AUH: variants seen among roughly 807,000 people sequenced by gnomAD.
The protein encoded by AUH is AU RNA binding methylglutaconyl-CoA hydratase.
In AUH, 29 loss-of-function variants were observed where a neutral mutation model predicts 42.3. That is an observed-to-expected ratio of 0.69 (90% CI 0.51 to 0.93). AUH has a LOEUF of 0.93. Ranked by LOEUF, AUH falls within the 40% of genes least tolerant of loss-of-function variation. The probability of loss-of-function intolerance (pLI) is 0.00; values close to 1 mark genes in which losing one functional copy is unlikely to be tolerated. For synonymous variants in AUH, 174 were observed against 166.4 expected (o/e 1.05, Z -0.35); for missense variants, 452 against 438.1 (o/e 1.03, Z -0.28).
intron 6 of AUH, among the ~76,000 whole-genome samples, chr9:91,284,208 A>T (rs1483280618): frequency 6.6e-6 from 1 of 152,078 alleles, no homozygotes; most frequent in Non-Finnish European, 1.5e-5. Flanking sequence ...AACAAGAAAT[A>T]GGGAAAGAAT....
At chr9:91,261,581 C>T (rs1306199340) in intron 6 of AUH, among the ~76,000 whole-genome samples, 1 of 152,192 alleles carries the variant, frequency 6.6e-6, no homozygotes, top group African/African-American at 2.4e-5. Context: ...AGGTCACCCT[C>T]GTGCAAATTT....
At chr9:91,231,575 C>T (rs909448100) in intron 6 of AUH, among the ~76,000 whole-genome samples, 3 of 152,150 alleles carry the variant, frequency 2.0e-5, no homozygotes, top group African/African-American at 7.2e-5. Context: ...ATCTAAAGTG[C>T]CACTTCTAAA....
rs118138553 is a variant in AUH at position 91,215,994 on chromosome 9, T to C, written c.942+65A>G. ...TCTTGCTCAGTGAAATTCATTTGAA[T>C]TATACAGAAGGTAAATATAATTTGT... is the stretch of plus-strand genomic sequence containing the variant. On this transcript the variant is annotated intron_variant, in intron 9 of 9. Coordinates refer to ENST00000375731, the MANE Select transcript of AUH (RefSeq NM_001698.3). The C allele has an allele frequency of 2.4e-4, 354 of 1,493,594 alleles. 1 individual carries two copies. In the East Asian group the frequency reaches 5.9e-3, roughly 25 times the overall value. 92.5% of individuals were successfully genotyped at this position (1,493,594 alleles called of 1,614,324 possible).
chr9:91,273,670 G>A (rs1190668901), intron 6 of AUH, among the ~76,000 whole-genome samples: 1 of 152,102 alleles, frequency 6.6e-6, no homozygotes, highest in Non-Finnish European at 1.5e-5. Flanking sequence ...TGTTTTTAAG[G>A]CATCAAAAAT....
intron 6 of AUH, among the ~76,000 whole-genome samples, chr9:91,292,478 C>A (rs1455696192): frequency 1.3e-5 from 2 of 151,824 alleles, no homozygotes; most frequent in African/African-American, 4.8e-5. Context: ...GGGGTTTCAC[C>A]AGGTTGGCCA....
At chr9:91,289,265 G>A (rs1486509356) in intron 6 of AUH, among the ~76,000 whole-genome samples, 1 of 152,150 alleles carries the variant, frequency 6.6e-6, no homozygotes, top group Non-Finnish European at 1.5e-5. Flanking sequence ...TTTACCCAAA[G>A]ATATTTACTT....
chr9:91,231,478 T>C (rs7849152), intron 6 of AUH, among the ~76,000 whole-genome samples: 35,484 of 152,064 alleles, frequency 0.23, 4,526 homozygotes, highest in East Asian at 0.33. Context: ...GAGATGAACC[T>C]GGTACCACAG....
chr9:91,311,841 C>T (rs1214845620), intron 4 of AUH, among the ~76,000 whole-genome samples: 2 of 152,200 alleles, frequency 1.3e-5, no homozygotes, highest in Non-Finnish European at 2.9e-5. Context: ...AATTTCATTG[C>T]TGTGTAGCCT....
chr9:91,239,420 C>A (rs1438488249), intron 6 of AUH, among the ~76,000 whole-genome samples: 1 of 152,172 alleles, frequency 6.6e-6, no homozygotes, highest in Non-Finnish European at 1.5e-5. Flanking sequence ...GGAAACACTG[C>A]AGTATAATGC....
At chr9:91,324,298 T>C (rs1829806987) in intron 4 of AUH, among the ~76,000 whole-genome samples, 1 of 151,682 alleles carries the variant, frequency 6.6e-6, no homozygotes, top group Admixed American at 6.6e-5. Context: ...AGGCAGGAGT[T>C]CAAGATCAGC....
intron 6 of AUH, among the ~76,000 whole-genome samples, chr9:91,241,995 T>C (rs925306357): frequency 1.3e-5 from 2 of 152,226 alleles, no homozygotes; most frequent in African/African-American, 4.8e-5. Context: ...CACTTACTCT[T>C]TGATAGATTC....
chr9:91,346,203 T>A (rs1248129938), intron 3 of AUH, among the ~76,000 whole-genome samples: 1 of 151,934 alleles, frequency 6.6e-6, no homozygotes, highest in Admixed American at 6.6e-5. Flanking sequence ...TCACCAGAAA[T>A]ATCAAGCCAT....
rs1282582845 is a variant in AUH at position 91,325,347 on chromosome 9, G to C, written c.476C>G (p.Ser159Cys). 18 of 1,613,678 alleles carry C rather than the reference G, an allele frequency of 1.1e-5. No individual in the cohort carries two copies. Among genetic ancestry groups the C allele is most frequent in the Non-Finnish European group, 1.5e-5 (18 of 1,179,854 alleles). ...ATCGTTAATCACTGCTCTTATTTTG[G>C]AGACAAAAGGACCAACTTCACTGGA... The part of the protein sequence containing the change: ...MSSSEVGPFV[S>C]KIRAVINDIA... Residue 159 changes from serine to cysteine, a missense_variant, in exon 4 of 10, where the codon TCC becomes TGC. By Grantham distance (112) the Ser-to-Cys change is moderately radical. Transcript: ENST00000375731.
At chr9:91,294,600 A>G in intron 6 of AUH, 1 of 426,570 alleles carries the variant, frequency 2.3e-6, no homozygotes, top group South Asian at 1.7e-5. Context: ...GCTGCCATAG[A>G]CAGTGATTCC....
intron 3 of AUH, among the ~76,000 whole-genome samples, chr9:91,354,750 A>G (rs1255181382): frequency 2.0e-5 from 3 of 152,178 alleles, no homozygotes; most frequent in African/African-American, 7.2e-5. Flanking sequence ...GCCTTCTTTA[A>G]AAACCCTAAA....
intron 4 of AUH, among the ~76,000 whole-genome samples, chr9:91,311,324 A>G (rs1400933616): frequency 6.6e-6 from 1 of 152,178 alleles, no homozygotes; most frequent in East Asian, 1.9e-4. Context: ...CCTGTATTTC[A>G]ATTCAGCTTT....
intron 6 of AUH, among the ~76,000 whole-genome samples, chr9:91,277,335 T>A (rs1294160790): frequency 6.6e-6 from 1 of 152,150 alleles, no homozygotes; most frequent in Non-Finnish European, 1.5e-5. Flanking sequence ...CTAGACTCTG[T>A]CAACAATGGA....
At chr9:91,263,251 A>G (rs1039920213) in intron 6 of AUH, among the ~76,000 whole-genome samples, 1 of 152,210 alleles carries the variant, frequency 6.6e-6, no homozygotes, top group Non-Finnish European at 1.5e-5. Flanking sequence ...GTCATCAATG[A>G]CTTAGTCTAC....
intron 6 of AUH, among the ~76,000 whole-genome samples, chr9:91,264,928 G>A (rs1306224506): frequency 6.6e-6 from 1 of 152,124 alleles, no homozygotes; most frequent in Non-Finnish European, 1.5e-5. Flanking sequence ...TTTGGGTTTT[G>A]TAGGCAATGC....
Sources: allele counts gnomAD v4.1 joint callset (sites outside exome capture counted in the v4.1 genomes callset), GRCh38; gene constraint gnomAD v4.1.1; transcripts MANE v1.5; gene names NCBI Gene and HGNC (gene_info 2026-07-23, HGNC 2026-07-21).